The following NDUFA7 variants were observed in gnomAD, a reference collection of about 807,000 sequenced individuals.
The protein encoded by NDUFA7 is NADH:ubiquinone oxidoreductase subunit A7, also known as NADH dehydrogenase [ubiquinone] 1 alpha subcomplex subunit 7.
Under a neutral mutation model 14.2 loss-of-function variants are expected in NDUFA7, and 18 were observed. The ratio of observed to expected loss-of-function variants is 1.27; its 90% CI spans 0.88 to 1.88. NDUFA7 has a LOEUF of 1.88. Among genes scored for constraint, NDUFA7 ranks in the 40% most tolerant of loss-of-function variants. The pLI is 0.00. For missense variants in NDUFA7, 172 were observed against 147.3 expected (o/e 1.17, Z -0.87); for synonymous variants, 75 against 62.1 (o/e 1.21, Z -0.98).
In NDUFA7 at chr19:8,321,364, G is replaced by T; in HGVS notation, c.-6C>A. ...AGACGGGTGGCGGACGCCATCTTCC[G>T]TCCGCGATACTGAAGGGCGCAGCCG... On this transcript the variant is annotated 5_prime_UTR_variant, in exon 1 of 4. Transcript: ENST00000301457. 7 of 1,572,288 alleles carry T rather than the reference G, an allele frequency of 4.5e-6. No homozygotes were observed. The highest frequency in any genetic ancestry group is 6.0e-6 in the Non-Finnish European group (7 of 1,161,124).
At chr19:8,321,077 G>A (rs1252268206) in intron 1 of NDUFA7, 171 bp from the exon 2 acceptor site, 3 of 873,632 alleles carry the variant, frequency 3.4e-6, no homozygotes, top group Non-Finnish European at 3.5e-6. Context: ...GCCAGAGTCC[G>A]GGCCCACAGA....
chr19:8,319,133 C>A (rs1395970230), intron 2 of NDUFA7, among the ~76,000 whole-genome samples: 1 of 151,804 alleles, frequency 6.6e-6, no homozygotes, highest in Non-Finnish European at 1.5e-5. Flanking sequence ...GGGGAGAGAG[C>A]ATCAGGAAGA....
intron 3 of NDUFA7, among the ~76,000 whole-genome samples, chr19:8,316,148 C>CAAAAGAAAA (rs571493580): frequency 9.2e-4 from 74 of 80,616 alleles, no homozygotes; most frequent in Middle Eastern, 7.0e-3. Context: ...GACTCCGTCT[C>CAAAAGAAAA]AAAAAAAAAA....
chr19:8,312,297 G>A lies in NDUFA7; in HGVS notation c.252-702C>T, dbSNP rs564660146. 3.4e-4 allele frequency among the ~76,000 whole-genome samples: 52 copies of A among 152,278 alleles called. No individual in the cohort carries two copies. The South Asian group carries it at 9.1e-3, about 27-fold the overall frequency. On this transcript the variant is annotated intron_variant, in intron 3 of 3. Coordinates refer to ENST00000301457, the MANE Select transcript of NDUFA7 (RefSeq NM_005001.5). ...AGGAGGGTGGGGTGATGGAGGAGGC[G>A]CCCCAGGGGTGGAGGCACAGGACCT...
intron 3 of NDUFA7, 105 bp from the exon 4 acceptor site, chr19:8,311,700 G>A (rs1320173180): frequency 1.2e-6 from 1 of 851,892 alleles, no homozygotes; most frequent in Non-Finnish European, 1.8e-6. Context: ...GGGACTTTCT[G>A]GACCTGCAGG....
chr19:8,317,214 C>G (rs1468426154), intron 2 of NDUFA7, among the ~76,000 whole-genome samples: 2 of 152,146 alleles, frequency 1.3e-5, no homozygotes, highest in Non-Finnish European at 2.9e-5. Flanking sequence ...AGAGCTCGGT[C>G]TTGGCTTGAA....
intron 2 of NDUFA7, among the ~76,000 whole-genome samples, chr19:8,317,495 C>T (rs558047742): frequency 8.5e-5 from 13 of 152,088 alleles, no homozygotes; most frequent in Non-Finnish European, 1.5e-4. Context: ...GGCGACAGAG[C>T]GAGACTCCAT....
chr19:8,316,429 T>G (rs1400929016), intron 3 of NDUFA7, 67 bp downstream of exon 3: 4 of 1,582,936 alleles, frequency 2.5e-6, no homozygotes, highest in Middle Eastern at 3.4e-4. Context: ...TTTCCACAAG[T>G]TGGGAGACAG....
intron 3 of NDUFA7, among the ~76,000 whole-genome samples, chr19:8,312,641 C>T (rs954964491): frequency 2.0e-5 from 3 of 151,926 alleles, no homozygotes; most frequent in Admixed American, 6.6e-5. Flanking sequence ...CCATCACTCC[C>T]GGCTAATTTT....
At chr19:8,309,961 G>T (rs138661617), downstream of NDUFA7, among the ~76,000 whole-genome samples, 5 of 152,178 alleles carry the variant, frequency 3.3e-5, no homozygotes, top group Admixed American at 2.0e-4. Context: ...AGCATAATGG[G>T]ATCTGGCTCA....
chr19:8,318,035 T>C (rs2145397534), intron 2 of NDUFA7, among the ~76,000 whole-genome samples: 1 of 151,904 alleles, frequency 6.6e-6, no homozygotes, highest in South Asian at 2.1e-4. Context: ...AAGTAAAAAA[T>C]GTTTAATATT....
chr19:8,314,359 C>T (rs769845946), intron 3 of NDUFA7, among the ~76,000 whole-genome samples: 7 of 151,688 alleles, frequency 4.6e-5, no homozygotes, highest in African/African-American at 1.2e-4. Flanking sequence ...ATTATATCAA[C>T]AGTAATGTCT....
rs755060335 is a variant in NDUFA7 at position 8,321,345 on chromosome 19, G to C, written c.14C>G (p.Thr5Ser). 2 of 1,577,988 alleles carry C rather than the reference G, an allele frequency of 1.3e-6. No individual in the cohort carries two copies. Among genetic ancestry groups the C allele is most frequent in the African/African-American group, 2.7e-5 (2 of 74,376 alleles). Reference sequence around the variant, plus strand: ...GTTCCGCAGCCGCTGGATGAGACGGGTGGCGGACGCCATCTTCCGTCCGCG... The same window carrying C: ...GTTCCGCAGCCGCTGGATGAGACGGCTGGCGGACGCCATCTTCCGTCCGCG... MASATRLIQRLRNWA... is the reference protein window; with the variant it reads MASASRLIQRLRNWA... Residue 5 changes from threonine to serine, a missense_variant, in exon 1 of 4, where the codon ACC becomes AGC. Thr to Ser is a moderately conservative substitution (Grantham distance 58, BLOSUM62 1). Coordinates refer to ENST00000301457, the MANE Select transcript of NDUFA7 (RefSeq NM_005001.5).
chr19:8,311,884 AC>A (rs2145389485), intron 3 of NDUFA7, among the ~76,000 whole-genome samples: 1 of 151,832 alleles, frequency 6.6e-6, no homozygotes, highest in South Asian at 2.1e-4. Context: ...CTCCCTTCCC[AC>A]TTTTGGTCTC....
At chr19:8,314,750 A>T (rs921636048) in intron 3 of NDUFA7, among the ~76,000 whole-genome samples, 25 of 152,170 alleles carry the variant, frequency 1.6e-4, no homozygotes, top group African/African-American at 5.8e-4. Flanking sequence ...CGTCTCTACT[A>T]AAAATACAAA....
intron 2 of NDUFA7, 73 bp from the exon 3 acceptor site, chr19:8,316,718 C>T (rs2060838930): frequency 6.5e-7 from 1 of 1,549,410 alleles, no homozygotes; most frequent in Admixed American, 1.8e-5. Context: ...GCCCCTGTCA[C>T]CTCAGTCACA....
chr19:8,315,452 G>A (rs1464244080), intron 3 of NDUFA7, among the ~76,000 whole-genome samples: 3 of 152,092 alleles, frequency 2.0e-5, no homozygotes, highest in East Asian at 1.9e-4. Flanking sequence ...TGGGACATGC[G>A]GGCAGCAATA....
Position 8,316,576 on chromosome 19 carries a change from G to A in NDUFA7, c.171C>T (p.Arg57=), listed in dbSNP as rs777750876. ...HKLSNNYYCT[R]DGRRESVPPS... ...GGGGCACAGATTCCCGGCGGCCATC[G>A]CGAGTGCAATAGTAATTGTTGGAGA... The change falls in exon 3 of 4, where the codon CGC becomes CGT. Residue 57 remains arginine (R), a synonymous_variant. Transcript: ENST00000301457. 1.4e-5 allele frequency: 23 copies of A among 1,614,136 alleles called. No individual in the cohort carries two copies. The highest frequency in any genetic ancestry group is 4.4e-5 in the South Asian group (4 of 91,086).
At chr19:8,311,829 T>C (rs1970181842) in intron 3 of NDUFA7, among the ~76,000 whole-genome samples, 1 of 152,166 alleles carries the variant, frequency 6.6e-6, no homozygotes. Flanking sequence ...ATGAACCCCC[T>C]GCTGTGGCCC....
Sources: gnomAD v4.1 joint callset for allele counts (sites outside exome capture counted in the v4.1 genomes callset) on GRCh38, gnomAD v4.1.1 for gene constraint, MANE v1.5 for transcripts, NCBI Gene and HGNC (gene_info 2026-07-23, HGNC 2026-07-21) for gene names.